SLC2A6: variants seen among roughly 807,000 people sequenced by gnomAD.
SLC2A6 encodes the protein solute carrier family 2, facilitated glucose transporter member 6.
In SLC2A6, 39 loss-of-function variants were observed where a neutral mutation model predicts 47.8. The ratio of observed to expected loss-of-function variants is 0.82; its 90% confidence interval spans 0.63 to 1.07. The LOEUF (loss-of-function observed/expected upper bound fraction) is 1.07. Ranked by LOEUF, SLC2A6 falls within the 50% of genes least tolerant of loss-of-function variation. SLC2A6 has a pLI of 0.00. For synonymous variants in SLC2A6, 346 were observed against 324.1 expected (o/e 1.07, Z -0.73); for missense variants, 650 against 707.6 (o/e 0.92, Z 0.92).
Position 133,479,021 on chromosome 9 carries a change from G to C in SLC2A6, c.39C>G (p.Tyr13Ter), listed in dbSNP as rs1245064245. ...GGGGCGGCTTCTCGGGGAAGGTGTC[G>C]TAGTCCGGGCCCTCGGCTCCCAGCA... ...EPLLGAEGPD[Y>*]DTFPEKPPPS... The change falls in exon 1 of 10, where the codon TAC becomes TAG. Residue 13 changes from tyrosine to a stop codon, truncating the protein, a stop_gained. Transcript: ENST00000371899. LOFTEE classifies it high-confidence loss of function. 2 of 1,599,020 alleles carry C rather than the reference G, an allele frequency of 1.3e-6. No homozygotes were observed. The highest frequency in any genetic ancestry group is 1.7e-6 in the Non-Finnish European group (2 of 1,175,972).
At position 133,478,977 on chromosome 9, in the gene SLC2A6, G is replaced by C. The variant is rs782154866; in HGVS notation, c.83C>G (p.Ala28Gly). 9 of 1,587,678 alleles carry C rather than the reference G, an allele frequency of 5.7e-6. No individual in the cohort carries two copies. Among genetic ancestry groups the C allele is most frequent in the South Asian group, 1.1e-5 (1 of 88,294 alleles). The stretch of plus-strand genomic sequence containing the variant: ...ACCTAGCGACTCTCACCCGACCCGC[G>C]CCCTGTCCCCTGGCGACGGGGGCGG... ...EKPPPSPGDR[A>G]RVGTLQNKRV... The change falls in exon 1 of 10, where the codon GCG becomes GGG. Residue 28 changes from alanine to glycine, a missense_variant. By Grantham distance (60) the Ala-to-Gly change is moderately conservative (BLOSUM62 0). Transcript: ENST00000371899.
chr9:133,473,650 G>C (rs782338502), intron 7 of SLC2A6, 50 bp from the exon 8 acceptor site: 1 of 1,456,954 alleles, frequency 6.9e-7, no homozygotes, highest in South Asian at 1.5e-5. Context: ...TGAGCCAGCT[G>C]TTTCTCTCAG....
intron 4 of SLC2A6, 23 bp downstream of exon 4, chr9:133,476,214 C>G (rs781889391): frequency 1.3e-6 from 2 of 1,588,756 alleles, no homozygotes; most frequent in Non-Finnish European, 1.7e-6. Flanking sequence ...AGCCTGCACA[C>G]AGGAGTGCGG....
chr9:133,475,897 A>G (rs1255386453), intron 4 of SLC2A6, among the ~76,000 whole-genome samples: 5 of 152,240 alleles, frequency 3.3e-5, no homozygotes, highest in South Asian at 2.1e-4. Flanking sequence ...CGCCCCCTCA[A>G]CTGAGCAGCT....
chr9:133,476,220 T>G lies in SLC2A6; in HGVS notation c.562+17A>C. ...CCTCCCACCAGCCTGCACACAGGAG[T>G]GCGGGGCCATACTTGCCAAGGGCGT... On this transcript the variant is annotated intron_variant, in intron 4 of 9. Coordinates refer to ENST00000371899, the MANE Select transcript of SLC2A6 (RefSeq NM_017585.4). 6.3e-7 allele frequency: 1 copy of G among 1,597,254 alleles called. No individual in the cohort carries two copies. The highest frequency in any genetic ancestry group is 1.1e-5 in the South Asian group (1 of 90,614).
In SLC2A6 at chr9:133,477,065, G is replaced by A. The variant is rs1327191676; in HGVS notation, c.432C>T (p.Phe144=). 5.2e-6 allele frequency: 8 copies of A among 1,546,094 alleles called. No individual in the cohort carries two copies. The highest frequency in any genetic ancestry group is 2.7e-5 in the African/African-American group (2 of 72,778). Residue 144 remains phenylalanine (F), a synonymous_variant, in exon 3 of 10, where the codon TTC becomes TTT. Coordinates refer to ENST00000371899, the MANE Select transcript of SLC2A6 (RefSeq NM_017585.4). ...TGCAGGCAGCTGTGAGCCCCCCGGC[G>A]AAGCCCGTCAGCGTCCTTCCGAGCA... is the stretch of plus-strand genomic sequence containing the variant. ...MLLLGRTLTG[F]AGGLTAACIP...
intron 6 of SLC2A6, 140 bp from the exon 7 acceptor site, chr9:133,474,228 G>C (rs587759658): frequency 3.2e-6 from 2 of 619,672 alleles, no homozygotes; most frequent in African/African-American, 3.7e-5. Flanking sequence ...CACCTGCAGC[G>C]TGCTGGGCAT....
At chr9:133,472,738 TTGAGGGGGGAGTGTGGCTGCTGC>T (rs1169819489) in intron 9 of SLC2A6, among the ~76,000 whole-genome samples, 1 of 150,562 alleles carries the variant, frequency 6.6e-6, no homozygotes, top group Non-Finnish European at 1.5e-5. Context: ...GTGGGTGGGG[TTGAGGGGGGAGTGTGGCTGCTGC>T]TGAGACCCAG....
intron 2 of SLC2A6, among the ~76,000 whole-genome samples, chr9:133,477,686 A>G (rs905651695): frequency 1.3e-5 from 2 of 152,164 alleles, no homozygotes; most frequent in Non-Finnish European, 2.9e-5. Flanking sequence ...TTATGGGGAG[A>G]GCGCAAGTTC....
intron 7 of SLC2A6, 108 bp downstream of exon 7, chr9:133,473,872 C>T (rs1554802429): frequency 8.6e-6 from 8 of 935,300 alleles, no homozygotes; most frequent in Non-Finnish European, 1.3e-5. Flanking sequence ...GGCAGGTGCT[C>T]TGCAGTTCCC....
intron 8 of SLC2A6, 29 bp from the exon 9 acceptor site, chr9:133,473,279 CCT>C (rs1843802920): frequency 6.4e-7 from 1 of 1,553,542 alleles, no homozygotes; most frequent in Non-Finnish European, 8.7e-7. Context: ...AGGTTCAGGC[CCT>C]GTGGGGTGAC....
chr9:133,473,978 A>C lies in SLC2A6; in HGVS notation c.1036+2T>G. 1 of 1,603,012 alleles carries C rather than the reference A, an allele frequency of 6.2e-7. No homozygotes were observed. Among genetic ancestry groups the C allele is most frequent in the Non-Finnish European group, 8.5e-7 (1 of 1,173,892 alleles). On this transcript the variant is annotated splice_donor_variant, in intron 7 of 9. Transcript: ENST00000371899. LOFTEE classifies it high-confidence loss of function. ...CAGGAGGGCTGCCTGCAGGGTGCTTACCTGAGACGAAGAGCAGCACCTTGC... is the reference window on the plus strand; with the variant it reads ...CAGGAGGGCTGCCTGCAGGGTGCTTCCCTGAGACGAAGAGCAGCACCTTGC...
chr9:133,478,957 G>C lies in SLC2A6; in HGVS notation c.92+11C>G. 6.4e-7 allele frequency: 1 copy of C among 1,562,568 alleles called. No individual in the cohort carries two copies. Among genetic ancestry groups the C allele is most frequent in the Non-Finnish European group, 8.6e-7 (1 of 1,158,224 alleles). On this transcript the variant is annotated intron_variant, in intron 1 of 9. Coordinates refer to ENST00000371899, the MANE Select transcript of SLC2A6 (RefSeq NM_017585.4). Reference sequence around the variant, plus strand: ...GGCCCCACCCGCAGCCCCCAACCTAGCGACTCTCACCCGACCCGCGCCCTG... The same window carrying C: ...GGCCCCACCCGCAGCCCCCAACCTACCGACTCTCACCCGACCCGCGCCCTG...
At chr9:133,475,986 T>C (rs867085483) in intron 4 of SLC2A6, among the ~76,000 whole-genome samples, 2 of 152,260 alleles carry the variant, frequency 1.3e-5, no homozygotes, top group Non-Finnish European at 1.5e-5. Flanking sequence ...CGTTAAAAGA[T>C]AGTCTGGCGA....
rs781947727 is a variant in SLC2A6 at position 133,479,079 on chromosome 9, C to A, written c.-20G>T. On this transcript the variant is annotated 5_prime_UTR_variant, in exon 1 of 10. Transcript: ENST00000371899. ...CTGCATGGCCGGGTCTCTCTCGGGG[C>A]GAGCGGAGGGCGCTCAGACTGGAGC... The A allele has an allele frequency of 1.9e-6, 3 of 1,572,232 alleles. No individual in the cohort carries two copies. The highest frequency in any genetic ancestry group is 4.8e-5 in the East Asian group (2 of 41,686).
chr9:133,472,742 G>C (rs1843776080), intron 9 of SLC2A6, among the ~76,000 whole-genome samples: 1 of 152,122 alleles, frequency 6.6e-6, no homozygotes, highest in African/African-American at 2.4e-5. Context: ...GTGGGGTTGA[G>C]GGGGGAGTGT....
chr9:133,472,619 G>A (rs932835090), intron 9 of SLC2A6, among the ~76,000 whole-genome samples: 2 of 152,264 alleles, frequency 1.3e-5, no homozygotes, highest in Admixed American at 6.5e-5. Flanking sequence ...CAGCTTAGGC[G>A]CTGGCCTAGG....
chr9:133,472,005 A>G lies in SLC2A6; in HGVS notation c.*16T>C, dbSNP rs1554801597. On this transcript the variant is annotated 3_prime_UTR_variant, in exon 10 of 10. Coordinates refer to ENST00000371899, the MANE Select transcript of SLC2A6 (RefSeq NM_017585.4). ...AGCCACTGGGGGTTTGGCCCCCTCCAGGCGGGGACCTTGACCTAGCGCAAG... is the reference window on the plus strand; with the variant it reads ...AGCCACTGGGGGTTTGGCCCCCTCCGGGCGGGGACCTTGACCTAGCGCAAG... 6.2e-7 allele frequency: 1 copy of G among 1,607,020 alleles called. No individual in the cohort carries two copies. The highest frequency in any genetic ancestry group is 8.5e-7 in the Non-Finnish European group (1 of 1,175,144).
At position 133,472,042 on chromosome 9, in the gene SLC2A6, C is replaced by G. The variant is rs142001028; in HGVS notation, c.1503G>C (p.Gly501=). The G allele has an allele frequency of 5.5e-3, 8,834 of 1,613,062 alleles. 35 individuals are homozygous for G. The highest frequency in any genetic ancestry group is 6.8e-3 in the Non-Finnish European group (8,075 of 1,179,724). The change falls in exon 10 of 10, where the codon GGG becomes GGC. Residue 501 remains glycine, a synonymous_variant. Transcript: ENST00000371899. ...LEQIESFFRT[G]RRSFLR ...TGACCTAGCGCAAGAAGGACCTTCT[C>G]CCCGTGCGGAAGAAGGACTCGATCT...
Sources: gnomAD v4.1 joint callset for allele counts (sites outside exome capture counted in the v4.1 genomes callset) on GRCh38, gnomAD v4.1.1 for gene constraint, MANE v1.5 for transcripts, NCBI Gene and HGNC (gene_info 2026-07-23, HGNC 2026-07-21) for gene names.